ZER1: variants seen among roughly 807,000 people sequenced by gnomAD.
ZER1 encodes the protein zyg-11 related cell cycle regulator.
In ZER1, 11 loss-of-function variants were observed where a neutral mutation model predicts 78.8. The ratio of observed to expected loss-of-function variants is 0.14; its 90% CI spans 0.09 to 0.23. ZER1 has a LOEUF of 0.23. Ranked by LOEUF, ZER1 falls within the 10% of genes least tolerant of loss-of-function variation. ZER1 has a pLI of 1.00. For synonymous variants in ZER1, 400 were observed against 407.0 expected (o/e 0.98, Z 0.21); for missense variants, 588 against 996.9 (o/e 0.59, Z 5.52).
chr9:128,753,038 G>T lies in ZER1; in HGVS notation c.746+126C>A. ...CACTGGGTTTAAGGAATGGGACTGT[G>T]TCTTCATCCCCACCCTCTGCCTAGC... is the stretch of plus-strand genomic sequence containing the variant. On this transcript the variant is annotated intron_variant, in intron 4 of 15. Coordinates refer to ENST00000291900, the MANE Select transcript of ZER1 (RefSeq NM_006336.4). This position sits in a 1 kb window ranked among gnomAD's most constrained non-coding sequence, Gnocchi z 7.5. 8.3e-7 allele frequency: 1 copy of T among 1,209,578 alleles called. No homozygotes were observed. Among genetic ancestry groups the T allele is most frequent in the Non-Finnish European group, 1.1e-6 (1 of 887,210 alleles). The allele number at this position is 1,209,578 out of a possible 1,614,324, so 74.9% of individuals were successfully genotyped here. A position where few individuals can be genotyped will look rare whatever the true frequency, so the allele number is the denominator to read the frequency against.
Position 128,753,163 on chromosome 9 carries a change from C to T in ZER1, c.746+1G>A. 6.5e-7 allele frequency: 1 copy of T among 1,532,974 alleles called. No homozygotes were observed. The highest frequency in any genetic ancestry group is 8.8e-7 in the Non-Finnish European group (1 of 1,137,190). The allele number at this position is 1,532,974 out of a possible 1,614,324, so 95.0% of individuals were successfully genotyped here. Reference sequence around the variant, plus strand: ...TGGTGAGCTCTGGGCCAGGAGCTCACCGCAGCTTGTGCAGCTGCACGATGA... The same window carrying T: ...TGGTGAGCTCTGGGCCAGGAGCTCATCGCAGCTTGTGCAGCTGCACGATGA... On this transcript the variant is annotated splice_donor_variant, in intron 4 of 15. Transcript: ENST00000291900. LOFTEE classifies it high-confidence loss of function. The surrounding 1 kb of genome is among the most constrained non-coding windows in gnomAD (Gnocchi z 7.5).
intron 9 of ZER1, among the ~76,000 whole-genome samples, chr9:128,742,077 T>C (rs969128701): frequency 6.6e-6 from 1 of 152,220 alleles, no homozygotes; most frequent in African/African-American, 2.4e-5. Context: ...CCCTGTGACT[T>C]TGGGCACAGC....
rs1864396518 is a variant in ZER1, at chr9:128,771,836, G to A, written c.-350C>T. 1 of 152,172 alleles carries A rather than the reference G, an allele frequency of 6.6e-6. No homozygotes were observed. Among genetic ancestry groups the A allele is most frequent in the Non-Finnish European group, 1.5e-5 (1 of 68,012 alleles). 9.4% of individuals were successfully genotyped at this position (152,172 alleles called of 1,614,324 possible). A position where few individuals can be genotyped will look rare whatever the true frequency, so the allele number is the denominator to read the frequency against. On this transcript the variant is annotated 5_prime_UTR_variant, in exon 1 of 16. Coordinates refer to ENST00000291900, the MANE Select transcript of ZER1 (RefSeq NM_006336.4). ...TTACCTTGCCCTTAGGGCTGCCGGC[G>A]GGGCTGAGGCTCCTGGGCCCGGCCC...
At chr9:128,733,301 C>T in intron 15 of ZER1, 125 bp downstream of exon 15, 3 of 736,472 alleles carry the variant, frequency 4.1e-6, no homozygotes, top group Non-Finnish European at 6.9e-6. Context: ...ACACTGTCAA[C>T]CTCCATACTC....
chr9:128,758,045 CA>C (rs1863917056), intron 1 of ZER1, among the ~76,000 whole-genome samples: 1 of 150,500 alleles, frequency 6.6e-6, no homozygotes, highest in Non-Finnish European at 1.5e-5. Context: ...TACTGCATGG[CA>C]ATGAGAAGGC....
chr9:128,753,259 G>A lies in ZER1; in HGVS notation c.651C>T (p.Leu217=), dbSNP rs748727551. 1.2e-6 allele frequency: 2 copies of A among 1,600,964 alleles called. No homozygotes were observed. The highest frequency in any genetic ancestry group is 2.2e-5 in the South Asian group (2 of 89,136). ...ACACCAGGCTGTCTTTCCACTGGGT[G>A]AGGAAGGCGGCGTCGCTCGTCTGAA... The part of the protein sequence containing the change: ...SGIQTSDAAF[L]TQWKDSLVSL... The change falls in exon 4 of 16, where the codon CTC becomes CTT. Residue 217 remains leucine (L), a synonymous_variant. Coordinates refer to ENST00000291900, the MANE Select transcript of ZER1 (RefSeq NM_006336.4). The surrounding 1 kb of genome is among the most constrained non-coding windows in gnomAD (Gnocchi z 7.5).
rs1863183657 is a variant in ZER1, at chr9:128,738,776, G to A, written c.2042+1155C>T. Among the ~76,000 whole-genome samples the A allele has an allele frequency of 2.0e-5, 3 of 151,762 alleles. No homozygotes were observed. The South Asian group carries it at 6.2e-4, about 32-fold the overall frequency. On this transcript the variant is annotated intron_variant, in intron 13 of 15. Coordinates refer to ENST00000291900, the MANE Select transcript of ZER1 (RefSeq NM_006336.4). ...GGCTCACTACAGCCTCGACCTCCTG[G>A]GCTCAAGTGACCCTCCTGCCTCAGC...
chr9:128,770,949 C>G (rs1437306681), intron 1 of ZER1, among the ~76,000 whole-genome samples: 1 of 152,158 alleles, frequency 6.6e-6, no homozygotes, highest in African/African-American at 2.4e-5. Flanking sequence ...GCGGGCGGAT[C>G]ACTTGAGCCC....
In ZER1 at chr9:128,742,608, G is replaced by A. The variant is rs201549935; in HGVS notation, c.1497C>T (p.Ala499=). 3.3e-5 allele frequency: 54 copies of A among 1,614,236 alleles called. No individual in the cohort carries two copies. The highest frequency in any genetic ancestry group is 4.1e-5 in the Non-Finnish European group (48 of 1,180,054). ...TRQDESIQRI[A]VHLCNALVCQ... Reference sequence around the variant, plus strand: ...AGACCAGGGCATTGCACAGGTGCACGGCGATCCGCTGGATAGACTCGTCCT... The same window carrying A: ...AGACCAGGGCATTGCACAGGTGCACAGCGATCCGCTGGATAGACTCGTCCT... The change falls in exon 9 of 16, where the codon GCC becomes GCT. Residue 499 remains alanine, a synonymous_variant. Coordinates refer to ENST00000291900, the MANE Select transcript of ZER1 (RefSeq NM_006336.4).
rs1252127271 is a variant in ZER1 at position 128,751,685 on chromosome 9, CCT to C, written c.924-160_924-159del. On this transcript the variant is annotated intron_variant, in intron 5 of 15. Coordinates refer to ENST00000291900, the MANE Select transcript of ZER1 (RefSeq NM_006336.4). The surrounding 1 kb of genome is among the most constrained non-coding windows in gnomAD (Gnocchi z 5.4). ...TTAATGGTAGGGGACATAAGCACCACCTCCTGATGGAAGCATGGCAAAGCCAC... is the reference window on the plus strand; with the variant it reads ...TTAATGGTAGGGGACATAAGCACCACCCTGATGGAAGCATGGCAAAGCCAC... Among the ~76,000 whole-genome samples, 2 of 152,172 alleles carry C rather than the reference CCT, an allele frequency of 1.3e-5. No individual in the cohort carries two copies. Among genetic ancestry groups the C allele is most frequent in the Admixed American group, 6.5e-5 (1 of 15,272 alleles).
Position 128,732,658 on chromosome 9 carries a change from G to A in ZER1, c.2243+768C>T, listed in dbSNP as rs1253089010. 6.6e-6 allele frequency among the ~76,000 whole-genome samples: 1 copy of A among 152,186 alleles called. No individual in the cohort carries two copies. Among genetic ancestry groups the A allele is most frequent in the Non-Finnish European group, 1.5e-5 (1 of 68,026 alleles). ...TAGGATTACAGGTGTGAGCCACTTC[G>A]CCTGGCCAGTAGCGCCTTTGGCCAG... is the stretch of plus-strand genomic sequence containing the variant. On this transcript the variant is annotated intron_variant, in intron 15 of 15. Coordinates refer to ENST00000291900, the MANE Select transcript of ZER1 (RefSeq NM_006336.4). The surrounding 1 kb of genome is among the most constrained non-coding windows in gnomAD (Gnocchi z 4.8).
At position 128,753,662 on chromosome 9, in the gene ZER1, T is replaced by A; in HGVS notation, c.310-62A>T. 6.3e-7 allele frequency: 1 copy of A among 1,583,510 alleles called. No individual in the cohort carries two copies. The highest frequency in any genetic ancestry group is 2.2e-5 in the East Asian group (1 of 44,530). On this transcript the variant is annotated intron_variant, in intron 3 of 15. Transcript: ENST00000291900. This position sits in a 1 kb window ranked among gnomAD's most constrained non-coding sequence, Gnocchi z 7.5. ...TTGCCCCTTCCCCCGGCCCCAGGCC[T>A]TGCCCTGGGCTACAGGTGGGTTGGA...
chr9:128,741,307 G>C (rs1811377147), intron 11 of ZER1, among the ~76,000 whole-genome samples: 1 of 152,202 alleles, frequency 6.6e-6, no homozygotes, highest in Admixed American at 6.5e-5. Context: ...GACAGGGAGG[G>C]GCTTTCCCTG....
At chr9:128,746,603 C>T (rs1258157677) in intron 8 of ZER1, among the ~76,000 whole-genome samples, 1 of 151,526 alleles carries the variant, frequency 6.6e-6, no homozygotes, top group Non-Finnish European at 1.5e-5. Context: ...GCTGGGGCTA[C>T]AGACGCATAG....
intron 8 of ZER1, among the ~76,000 whole-genome samples, chr9:128,743,594 G>A (rs1314223783): frequency 6.6e-6 from 1 of 151,242 alleles, no homozygotes; most frequent in African/African-American, 2.4e-5. Context: ...CAGCTATTTT[G>A]TTTTTTGTAG....
chr9:128,758,940 G>C (rs1026736560), intron 1 of ZER1, among the ~76,000 whole-genome samples: 2 of 152,034 alleles, frequency 1.3e-5, no homozygotes. Flanking sequence ...ATCCAGGCTC[G>C]CTTACTGTGT....
intron 8 of ZER1, among the ~76,000 whole-genome samples, chr9:128,749,202 C>A (rs1863597793): frequency 6.6e-6 from 1 of 151,544 alleles, no homozygotes; most frequent in Admixed American, 6.6e-5. Flanking sequence ...GTGGCACGTG[C>A]CTGTAGTCCC....
intron 14 of ZER1, among the ~76,000 whole-genome samples, chr9:128,734,142 A>ATATATATATATATATATATATAT (rs1372132455): frequency 3.6e-4 from 7 of 19,638 alleles, no homozygotes; most frequent in Non-Finnish European, 4.7e-4. Context: ...AAAAAAAAAA[A>ATATATATATATATATATATATAT]AAATATATAT....
intron 7 of ZER1, 67 bp from the exon 8 acceptor site, chr9:128,750,856 G>C (rs376409304): frequency 6.3e-7 from 1 of 1,590,092 alleles, no homozygotes. Context: ...GCAAGGGGCT[G>C]GAACAGGCTC....
Sources: allele counts gnomAD v4.1 joint callset (sites outside exome capture counted in the v4.1 genomes callset), GRCh38; gene constraint gnomAD v4.1.1; non-coding constraint Gnocchi (gnomAD v3.1); transcripts MANE v1.5; gene names NCBI Gene and HGNC (gene_info 2026-07-23, HGNC 2026-07-21).